ABCD3: variants seen among roughly 807,000 people sequenced by gnomAD.
ABCD3 encodes the protein ATP binding cassette subfamily D member 3, also known as ATP-binding cassette sub-family D member 3.
ABCD3 carries 41 observed loss-of-function variants against 105.5 expected under a neutral mutation model. That is an observed-to-expected ratio of 0.39 (90% confidence interval 0.30 to 0.50). ABCD3 has a LOEUF of 0.50. Among genes scored for constraint, ABCD3 ranks in the 20% least tolerant of loss-of-function variants. The pLI, the probability that ABCD3 is intolerant of heterozygous loss-of-function variation, is 0.84. For missense variants in ABCD3, 622 were observed against 806.3 expected, an observed-to-expected ratio of 0.77 and a Z score of 2.77; for synonymous variants, 258 against 269.0, an observed-to-expected ratio of 0.96 and a Z score of 0.40.
chr1:94,449,282 C>T (rs1406487574), intron 1 of ABCD3, among the ~76,000 whole-genome samples: 5 of 152,150 alleles, frequency 3.3e-5, no homozygotes, highest in African/African-American at 4.8e-5. Context: ...CAATACCCAT[C>T]GAACATAGCC....
chr1:94,490,868 A>G (rs1649498485), intron 15 of ABCD3, among the ~76,000 whole-genome samples: 2 of 152,050 alleles, frequency 1.3e-5, no homozygotes, highest in South Asian at 4.1e-4. Context: ...TAGCTGTACT[A>G]TTTGTAGTCC....
intron 1 of ABCD3, among the ~76,000 whole-genome samples, chr1:94,433,063 G>A (rs947131575): frequency 2.6e-5 from 4 of 151,692 alleles, no homozygotes; most frequent in Admixed American, 1.3e-4. Context: ...TCACCCTGTT[G>A]GTCAGGCTGG....
At chr1:94,458,786 C>G (rs965089334) in intron 2 of ABCD3, 143 bp downstream of exon 2, 4 of 801,662 alleles carry the variant, frequency 5.0e-6, no homozygotes, top group South Asian at 1.7e-5. Flanking sequence ...CAGGAATACT[C>G]TCTGAAATAG....
At chr1:94,460,367 T>G (rs1045383299) in intron 2 of ABCD3, among the ~76,000 whole-genome samples, 1 of 152,158 alleles carries the variant, frequency 6.6e-6, no homozygotes, top group Non-Finnish European at 1.5e-5. Context: ...CCAAGGAGAT[T>G]GCTCTGTGAC....
At chr1:94,487,459 C>CTA in intron 10 of ABCD3, 83 bp from the exon 11 acceptor site, 1 of 1,188,136 alleles carries the variant, frequency 8.4e-7, no homozygotes, top group South Asian at 1.3e-5. Flanking sequence ...AATAAATGAA[C>CTA]TATACAGTTT....
chr1:94,471,827 A>G (rs116713019), intron 4 of ABCD3, among the ~76,000 whole-genome samples: 3,796 of 152,256 alleles, frequency 0.025, 128 homozygotes, highest in African/African-American at 0.067. Context: ...AGAAAGCCTC[A>G]AAGAGACTTA....
rs1170396531 is a variant in ABCD3, at chr1:94,468,942, G to A, written c.335+935G>A. ...CTTCTGAATATGGGTAAATTATGTA[G>A]GCCCTCACATTCCACCCAAGTCTCC... On this transcript the variant is annotated intron_variant, in intron 4 of 22. Transcript: ENST00000370214. Among the ~76,000 whole-genome samples the A allele has an allele frequency of 4.6e-5, 7 of 152,072 alleles. 1 individual carries two copies. Among genetic ancestry groups the A allele is most frequent in the Admixed American group, 2.0e-4 (3 of 15,258 alleles).
chr1:94,433,564 G>A (rs1659774770), intron 1 of ABCD3, among the ~76,000 whole-genome samples: 1 of 151,792 alleles, frequency 6.6e-6, no homozygotes, highest in Admixed American at 6.6e-5. Flanking sequence ...ATTGCTCCTA[G>A]GCTACAAACC....
intron 1 of ABCD3, among the ~76,000 whole-genome samples, chr1:94,435,326 GC>G: frequency 6.6e-6 from 1 of 152,218 alleles, no homozygotes; most frequent in African/African-American, 2.4e-5. Flanking sequence ...GATAACTTGA[GC>G]CCAGGAGTTT....
intron 21 of ABCD3, among the ~76,000 whole-genome samples, chr1:94,508,774 C>T (rs1160682710): frequency 4.6e-5 from 7 of 152,024 alleles, no homozygotes; most frequent in African/African-American, 2.4e-5. Context: ...GGAGTTCACT[C>T]GTGATTTGGC....
chr1:94,393,925 A>G, the ABCD3 span, among the ~76,000 whole-genome samples: 2,681 of 152,234 alleles, frequency 0.018, 74 homozygotes, highest in African/African-American at 0.061. Context: ...CTTGCTCTGG[A>G]CACCACTCAA....
chr1:94,420,566 A>G (rs1361581458), intron 1 of ABCD3, among the ~76,000 whole-genome samples: 3 of 152,216 alleles, frequency 2.0e-5, no homozygotes, highest in Non-Finnish European at 4.4e-5. Context: ...TCTATTTTAC[A>G]CAGTATTTTG....
chr1:94,435,537 AAG>A (rs986958392), intron 1 of ABCD3, among the ~76,000 whole-genome samples: 1 of 152,174 alleles, frequency 6.6e-6, no homozygotes, highest in African/African-American at 2.4e-5. Context: ...TCTTGCAAAA[AAG>A]AGAGTTATAG....
chr1:94,507,751 G>A (rs1175593212), intron 21 of ABCD3, among the ~76,000 whole-genome samples: 1 of 151,374 alleles, frequency 6.6e-6, no homozygotes, highest in Non-Finnish European at 1.5e-5. Context: ...GTGATGGTGA[G>A]CATTGTTTCA....
rs140803458 is a variant in ABCD3, at chr1:94,449,665, G to A, written c.111-8942G>A. Among the ~76,000 whole-genome samples the A allele has an allele frequency of 6.7e-4, 102 of 152,344 alleles. 2 individuals are homozygous for A. The East Asian group carries it at 0.019, about 28-fold the overall frequency. ...CGTACTTGTTTAGGAAGATTGCATT[G>A]CAGAACAGGCAGAGGTGCTGCACAG... On this transcript the variant is annotated intron_variant, in intron 1 of 22. Coordinates refer to ENST00000370214, the MANE Select transcript of ABCD3 (RefSeq NM_002858.4).
intron 1 of ABCD3, among the ~76,000 whole-genome samples, chr1:94,429,615 T>TAAGCCCC (rs1659598910): frequency 6.6e-6 from 1 of 152,212 alleles, no homozygotes; most frequent in African/African-American, 2.4e-5. Flanking sequence ...TCAGAGGGTG[T>TAAGCCCC]AAGCCCCAAG....
chr1:94,511,307 T>A (rs572596755), intron 21 of ABCD3, among the ~76,000 whole-genome samples: 98 of 152,304 alleles, frequency 6.4e-4, no homozygotes, highest in Middle Eastern at 6.8e-3. Context: ...TTTAAGAATG[T>A]TGAATATTGT....
At chr1:94,504,797 A>G (rs1650271067) in intron 20 of ABCD3, among the ~76,000 whole-genome samples, 1 of 152,192 alleles carries the variant, frequency 6.6e-6, no homozygotes, top group African/African-American at 2.4e-5. Context: ...GAGGAGCAGC[A>G]GAAGTGGTAG....
chr1:94,388,373 A>AT, the ABCD3 span, among the ~76,000 whole-genome samples: 1 of 134,430 alleles, frequency 7.4e-6, no homozygotes, highest in Non-Finnish European at 1.6e-5. Context: ...GCATTCTGAG[A>AT]TTATCACTTT....
Sources: gnomAD v4.1 joint callset for allele counts (sites outside exome capture counted in the v4.1 genomes callset) on GRCh38, gnomAD v4.1.1 for gene constraint, MANE v1.5 for transcripts, NCBI Gene and HGNC (gene_info 2026-07-23, HGNC 2026-07-21) for gene names.